Variants in ADAMTS6 observed in about 807,000 individuals in gnomAD.
The protein encoded by ADAMTS6 is A disintegrin and metalloproteinase with thrombospondin motifs 6.
Under a neutral mutation model 144.3 loss-of-function variants are expected in ADAMTS6, and 23 were observed. The observed-to-expected ratio is 0.16, with a 90% CI of 0.11 to 0.23. The LOEUF (loss-of-function observed/expected upper bound fraction) is 0.23. Ranked by LOEUF, ADAMTS6 falls within the 10% of genes least tolerant of loss-of-function variation. The pLI is 1.00. For synonymous variants in ADAMTS6, 444 were observed against 457.5 expected, an observed-to-expected ratio of 0.97 and a Z score of 0.38; for missense variants, 999 against 1,379.6, an observed-to-expected ratio of 0.72 and a Z score of 4.37.
chr5:65,452,275 T>C, intron 5 of ADAMTS6, 59 bp from the exon 6 acceptor site: 1 of 1,528,334 alleles, frequency 6.5e-7, no homozygotes, highest in South Asian at 1.1e-5. Flanking sequence ...GGGTGATAGT[T>C]TGGTTTTTTA....
chr5:65,192,825 A>G (rs1231752751), intron 21 of ADAMTS6, among the ~76,000 whole-genome samples: 1 of 151,858 alleles, frequency 6.6e-6, no homozygotes, highest in Non-Finnish European at 1.5e-5. Context: ...TTCCAAATAA[A>G]CATAATATTA....
At position 65,149,766 on chromosome 5, in the gene ADAMTS6, C is replaced by T. The variant is rs1752041596; in HGVS notation, c.*2070G>A. On this transcript the variant is annotated 3_prime_UTR_variant, in exon 25 of 25. Transcript: ENST00000381055. Reference sequence around the variant, plus strand: ...CCAGGGCACATTAGCACCAAGTTAACTGTTCTTTGAAAAGGCGCAAGGGAA... The same window carrying T: ...CCAGGGCACATTAGCACCAAGTTAATTGTTCTTTGAAAAGGCGCAAGGGAA... 6.6e-6 allele frequency: 1 copy of T among 152,616 alleles called. No homozygotes were observed. The allele number at this position is 152,616 out of a possible 1,614,324, so 9.5% of individuals were successfully genotyped here.
chr5:65,473,788 A>G lies in ADAMTS6; in HGVS notation c.-115T>C. The G allele has an allele frequency of 1.3e-6, 1 of 772,822 alleles. No individual in the cohort carries two copies. The highest frequency in any genetic ancestry group is 2.2e-6 in the Non-Finnish European group (1 of 458,710). 47.9% of individuals were successfully genotyped at this position (772,822 alleles called of 1,614,324 possible). A position where few individuals can be genotyped will look rare whatever the true frequency, so the allele number is the denominator to read the frequency against. ...CTTTAAAACTTCTTGCAAATTAGTT[A>G]TTGGATGTTCCACTGTTTAAGAGCC... On this transcript the variant is annotated 5_prime_UTR_variant, in exon 2 of 25. An upstream open reading frame in the 5' UTR loses its in-frame stop. Coordinates refer to ENST00000381055, the MANE Select transcript of ADAMTS6 (RefSeq NM_197941.4).
At chr5:65,419,117 A>G (rs1306479037) in intron 7 of ADAMTS6, among the ~76,000 whole-genome samples, 1 of 152,226 alleles carries the variant, frequency 6.6e-6, no homozygotes, top group African/African-American at 2.4e-5. Context: ...TCACCGCACT[A>G]TTCACAATAG....
intron 7 of ADAMTS6, among the ~76,000 whole-genome samples, chr5:65,398,777 A>AGC (rs1753584512): frequency 1.7e-5 from 2 of 116,578 alleles, no homozygotes; most frequent in African/African-American, 6.6e-5. Flanking sequence ...GAAAGAAGAG[A>AGC]GAGCAAGAAA....
Position 65,171,950 on chromosome 5 carries a change from C to T in ADAMTS6, c.3087+882G>A, listed in dbSNP as rs144767335. Among the ~76,000 whole-genome samples, 332 of 151,520 alleles carry T rather than the reference C, an allele frequency of 2.2e-3. 3 individuals are homozygous for T. Among genetic ancestry groups the T allele is most frequent in the African/African-American group, 7.7e-3 (318 of 41,254 alleles). On this transcript the variant is annotated intron_variant, in intron 23 of 24. Coordinates refer to ENST00000381055, the MANE Select transcript of ADAMTS6 (RefSeq NM_197941.4). ...ATCTATGGGCCTGCCATCGAGAATA[C>T]CAGAAAGCCTATGAAATTTGGAATC...
rs1452252136 is a variant in ADAMTS6, at chr5:65,400,677, G to GC, written c.1073+50797dup. ...CTTTTTGCTTTCTGGTACTCTCATT[G>GC]CACATGTATTACATCTTTGTAGTTT... On this transcript the variant is annotated intron_variant, in intron 7 of 24. Coordinates refer to ENST00000381055, the MANE Select transcript of ADAMTS6 (RefSeq NM_197941.4). Among the ~76,000 whole-genome samples, 6 of 151,948 alleles carry GC rather than the reference G, an allele frequency of 3.9e-5. No individual in the cohort carries two copies. In the South Asian group the frequency reaches 1.0e-3, roughly 26 times the overall value.
chr5:65,411,128 G>C (rs1474215790), intron 7 of ADAMTS6, among the ~76,000 whole-genome samples: 5 of 152,138 alleles, frequency 3.3e-5, no homozygotes, highest in Admixed American at 6.5e-5. Context: ...GTGAGCCACT[G>C]AGCCTGGCCT....
At chr5:65,472,565 A>G (rs1482604774) in intron 2 of ADAMTS6, among the ~76,000 whole-genome samples, 1 of 152,032 alleles carries the variant, frequency 6.6e-6, no homozygotes, top group Non-Finnish European at 1.5e-5. Context: ...TGAGGAACAT[A>G]TTTTCCTCAT....
intron 7 of ADAMTS6, among the ~76,000 whole-genome samples, chr5:65,364,267 T>A (rs554800600): frequency 6.6e-6 from 1 of 152,212 alleles, no homozygotes. Context: ...ACAGTTGACC[T>A]CAGCCTTTTA....
At chr5:65,400,173 A>C (rs1753797315) in intron 7 of ADAMTS6, among the ~76,000 whole-genome samples, 1 of 151,830 alleles carries the variant, frequency 6.6e-6, no homozygotes. Context: ...GTCCTCTTTC[A>C]GAATTTTTTC....
At chr5:65,408,040 A>G (rs1754714710) in intron 7 of ADAMTS6, among the ~76,000 whole-genome samples, 1 of 152,210 alleles carries the variant, frequency 6.6e-6, no homozygotes, top group Non-Finnish European at 1.5e-5. Context: ...CCACTGAAAA[A>G]TCATGCCAAA....
chr5:65,327,306 T>G (rs1485752040), intron 9 of ADAMTS6, among the ~76,000 whole-genome samples: 5 of 152,128 alleles, frequency 3.3e-5, no homozygotes, highest in African/African-American at 1.2e-4. Flanking sequence ...AATGAGTTAC[T>G]CAGACTTAGG....
intron 7 of ADAMTS6, among the ~76,000 whole-genome samples, chr5:65,426,337 G>T (rs1756533091): frequency 6.6e-6 from 1 of 151,454 alleles, no homozygotes; most frequent in Admixed American, 6.6e-5. Flanking sequence ...GGGATTACAG[G>T]TGTGAGCCAT....
At position 65,425,998 on chromosome 5, in the gene ADAMTS6, G is replaced by A. The variant is rs188278788; in HGVS notation, c.1073+25477C>T. Among the ~76,000 whole-genome samples the A allele has an allele frequency of 7.9e-5, 12 of 151,208 alleles. No individual in the cohort carries two copies. The East Asian group carries it at 9.8e-4, about 12-fold the overall frequency. Reference sequence around the variant, plus strand: ...GATCTCCTGACCTCGTGATCCGCCCGCCTCGGCCTCCCAAAGTGCTGGGAT... The same window carrying A: ...GATCTCCTGACCTCGTGATCCGCCCACCTCGGCCTCCCAAAGTGCTGGGAT... On this transcript the variant is annotated intron_variant, in intron 7 of 24. Coordinates refer to ENST00000381055, the MANE Select transcript of ADAMTS6 (RefSeq NM_197941.4).
At chr5:65,340,086 G>A (rs895215956) in intron 7 of ADAMTS6, among the ~76,000 whole-genome samples, 2 of 152,058 alleles carry the variant, frequency 1.3e-5, no homozygotes, top group Admixed American at 6.6e-5. Context: ...TAGTCAAATT[G>A]TCAAAAGTCA....
At chr5:65,319,739 G>A (rs10077834) in intron 9 of ADAMTS6, among the ~76,000 whole-genome samples, 1,397 of 65,214 alleles carry the variant, frequency 0.021, 14 homozygotes, top group African/African-American at 0.028. Context: ...GAGGGAGGGA[G>A]GGAAGGAAGG....
At chr5:65,328,618 T>C (rs1746407646) in intron 9 of ADAMTS6, among the ~76,000 whole-genome samples, 1 of 151,998 alleles carries the variant, frequency 6.6e-6, no homozygotes, top group Non-Finnish European at 1.5e-5. Flanking sequence ...AGCTTAGAAA[T>C]TGACTAATTG....
At chr5:65,317,397 A>G (rs1460353012) in intron 9 of ADAMTS6, among the ~76,000 whole-genome samples, 1 of 152,226 alleles carries the variant, frequency 6.6e-6, no homozygotes, top group African/African-American at 2.4e-5. Flanking sequence ...ATATACAATA[A>G]TCAAATCAAG....
Sources: gnomAD v4.1 joint callset for allele counts (sites outside exome capture counted in the v4.1 genomes callset) on GRCh38, gnomAD v4.1.1 for gene constraint, MANE v1.5 for transcripts, NCBI Gene and HGNC (gene_info 2026-07-23, HGNC 2026-07-21) for gene names.